RFX3: variants seen among roughly 807,000 people sequenced by gnomAD.
RFX3 encodes regulatory factor X3.
RFX3 carries 14 observed loss-of-function variants against 98.6 expected under a neutral mutation model. The ratio of observed to expected loss-of-function variants is 0.14; its 90% CI spans 0.09 to 0.22. The LOEUF is 0.22. Among genes scored for constraint, RFX3 ranks in the 10% least tolerant of loss-of-function variants. The pLI is 1.00. For synonymous variants in RFX3, 383 were observed against 328.4 expected, an observed-to-expected ratio of 1.17 and a Z score of -1.80; for missense variants, 639 against 926.9, an observed-to-expected ratio of 0.69 and a Z score of 4.03.
At chr9:3,350,724 G>A (rs1031539216) in intron 2 of RFX3, among the ~76,000 whole-genome samples, 2 of 152,018 alleles carry the variant, frequency 1.3e-5, no homozygotes. Context: ...ATGAAATATT[G>A]TTTTCATTAA....
chr9:3,333,593 T>A (rs1832839542), intron 3 of RFX3, among the ~76,000 whole-genome samples: 1 of 152,178 alleles, frequency 6.6e-6, no homozygotes, highest in Non-Finnish European at 1.5e-5. Flanking sequence ...CAAATTTAGA[T>A]AAAATGAGAA....
intron 1 of RFX3, among the ~76,000 whole-genome samples, chr9:3,400,873 A>G (rs1841412331): frequency 1.3e-5 from 2 of 152,178 alleles, no homozygotes; most frequent in Non-Finnish European, 2.9e-5. Flanking sequence ...GGATTAAATA[A>G]CTTGCCAAAA....
chr9:3,452,520 G>C (rs114907321), intron 1 of RFX3: 1,636 of 155,498 alleles, frequency 0.011, 29 homozygotes, highest in African/African-American at 0.037. Context: ...TTGAGCTCAA[G>C]AGTTTGGCAC....
At chr9:3,320,483 C>T (rs1831136401) in intron 4 of RFX3, among the ~76,000 whole-genome samples, 1 of 150,634 alleles carries the variant, frequency 6.6e-6, no homozygotes, top group African/African-American at 2.4e-5. Flanking sequence ...ACCTGGGAGT[C>T]AGAGGTTGCA....
intron 4 of RFX3, among the ~76,000 whole-genome samples, chr9:3,301,934 T>A (rs1167446094): frequency 6.6e-6 from 1 of 151,948 alleles, no homozygotes; most frequent in Admixed American, 6.6e-5. Flanking sequence ...TTGACTTTCA[T>A]AGTTCAGGAT....
chr9:3,514,556 T>C (rs1052773104), intron 1 of RFX3, among the ~76,000 whole-genome samples: 2 of 152,018 alleles, frequency 1.3e-5, no homozygotes, highest in Non-Finnish European at 2.9e-5. Flanking sequence ...GCTGAAGCAA[T>C]ACACCCACCT....
At position 3,301,410 on chromosome 9, in the gene RFX3, C is replaced by G. The variant is rs1828645520; in HGVS notation, c.549+136G>C. ...TGTACAAAATAGCCATTAAATGACA[C>G]AGAGATCATAAGGGGCTGAGAAGGG... On this transcript the variant is annotated intron_variant, in intron 5 of 16. Transcript: ENST00000617270. 4 of 533,894 alleles carry G rather than the reference C, an allele frequency of 7.5e-6. No individual in the cohort carries two copies. In the South Asian group the frequency reaches 1.3e-4, roughly 18 times the overall value. The allele number at this position is 533,894 out of a possible 1,614,324, so 33.1% of individuals were successfully genotyped here.
At chr9:3,426,081 C>G (rs935087427) in intron 1 of RFX3, among the ~76,000 whole-genome samples, 3 of 152,136 alleles carry the variant, frequency 2.0e-5, no homozygotes, top group Non-Finnish European at 4.4e-5. Flanking sequence ...ATTGGATTTA[C>G]TTATATTTTA....
chr9:3,320,139 T>A (rs991611837), intron 4 of RFX3, among the ~76,000 whole-genome samples: 27 of 152,204 alleles, frequency 1.8e-4, no homozygotes, highest in Non-Finnish European at 3.4e-4. Flanking sequence ...ATAGATATAA[T>A]GTATAATCAT....
chr9:3,419,648 T>C (rs572136825), intron 1 of RFX3, among the ~76,000 whole-genome samples: 3 of 152,232 alleles, frequency 2.0e-5, no homozygotes, highest in African/African-American at 7.2e-5. Flanking sequence ...TCTCCGTTGG[T>C]ATCTGCAGGG....
intron 4 of RFX3, among the ~76,000 whole-genome samples, chr9:3,319,357 T>G (rs1830996657): frequency 6.7e-6 from 1 of 149,970 alleles, no homozygotes; most frequent in African/African-American, 2.5e-5. Context: ...AACATGATCT[T>G]TTTTTTTTTC....
Position 3,219,800 on chromosome 9 carries a change from T to A in RFX3, c.*5242A>T, listed in dbSNP as rs1817249260. 1 of 152,194 alleles carries A rather than the reference T, an allele frequency of 6.6e-6. No individual in the cohort carries two copies. Among genetic ancestry groups the A allele is most frequent in the Non-Finnish European group, 1.5e-5 (1 of 68,040 alleles). 9.4% of individuals were successfully genotyped at this position (152,194 alleles called of 1,614,324 possible). ...CATGAGTAATTTGCATGGTCTGACTTCCTAAACTGCCTAAAAAGCAACGTT... is the reference window on the plus strand; with the variant it reads ...CATGAGTAATTTGCATGGTCTGACTACCTAAACTGCCTAAAAAGCAACGTT... On this transcript the variant is annotated 3_prime_UTR_variant, in exon 17 of 17. Transcript: ENST00000617270.
At chr9:3,473,014 T>C (rs956228943) in intron 1 of RFX3, among the ~76,000 whole-genome samples, 7 of 152,158 alleles carry the variant, frequency 4.6e-5, no homozygotes, top group African/African-American at 1.7e-4. Context: ...ATTAAAACAC[T>C]CATTAAAAAA....
intron 1 of RFX3, among the ~76,000 whole-genome samples, chr9:3,518,261 T>C (rs1818369190): frequency 6.6e-6 from 1 of 152,216 alleles, no homozygotes; most frequent in Admixed American, 6.5e-5. Context: ...CTGCATAACC[T>C]GACCATCCAA....
At position 3,287,097 on chromosome 9, in the gene RFX3, G is replaced by A. The variant is rs971492093; in HGVS notation, c.851+1034C>T. On this transcript the variant is annotated intron_variant, in intron 7 of 16. Coordinates refer to ENST00000617270, the MANE Select transcript of RFX3 (RefSeq NM_001282116.2). ...TAATTTTTTAACTCTTCAAACATAAGAACTGTGTCTTATCTCTGCATGCAG... is the reference window on the plus strand; with the variant it reads ...TAATTTTTTAACTCTTCAAACATAAAAACTGTGTCTTATCTCTGCATGCAG... Among the ~76,000 whole-genome samples the A allele has an allele frequency of 2.6e-5, 4 of 151,726 alleles. No homozygotes were observed. The East Asian group carries it at 7.7e-4, about 29-fold the overall frequency.
chr9:3,239,436 G>C (rs1819617760), intron 15 of RFX3, among the ~76,000 whole-genome samples: 4 of 152,228 alleles, frequency 2.6e-5, no homozygotes, highest in Non-Finnish European at 4.4e-5. Context: ...TGTTGGTCTT[G>C]CTGTTGTGGG....
At chr9:3,297,528 G>C in intron 5 of RFX3, among the ~76,000 whole-genome samples, 1 of 152,008 alleles carries the variant, frequency 6.6e-6, no homozygotes, top group East Asian at 1.9e-4. Context: ...ATATTGCATT[G>C]CCCAATTAAC....
At position 3,288,158 on chromosome 9, in the gene RFX3, C is replaced by T; in HGVS notation, c.824G>A (p.Arg275Lys). ...LQEDMQYMAM[R>K]QQPMQQKQRY... ...TTGTTTCTGTTGCATGGGTTGTTGT[C>T]TCATAGCCATATACTGCATGTCTTC... is the stretch of plus-strand genomic sequence containing the variant. Residue 275 changes from arginine to lysine, a missense_variant, in exon 7 of 17, where the codon AGA becomes AAA. Arg to Lys is a conservative substitution (Grantham distance 26, BLOSUM62 2). This residue lies in a region of RFX3 where 86 missense variants were observed against 113.2 expected (regional missense o/e 0.76). Coordinates refer to ENST00000617270, the MANE Select transcript of RFX3 (RefSeq NM_001282116.2). 1 of 1,612,870 alleles carries T rather than the reference C, an allele frequency of 6.2e-7. No individual in the cohort carries two copies. The highest frequency in any genetic ancestry group is 8.5e-7 in the Non-Finnish European group (1 of 1,179,080).
chr9:3,263,371 A>G (rs1383471813), intron 12 of RFX3, among the ~76,000 whole-genome samples: 1 of 152,176 alleles, frequency 6.6e-6, no homozygotes, highest in East Asian at 1.9e-4. Context: ...CTACTCATCC[A>G]CAGTAAGAAA....
Sources: allele counts gnomAD v4.1 joint callset (sites outside exome capture counted in the v4.1 genomes callset), GRCh38; gene constraint gnomAD v4.1.1; regional missense constraint gnomAD v4.1.1; transcripts MANE v1.5; gene names NCBI Gene and HGNC (gene_info 2026-07-23, HGNC 2026-07-21).